PRH1: variants seen among roughly 807,000 people sequenced by gnomAD.
PRH1 encodes the protein salivary acidic proline-rich phosphoprotein 1/2.
In PRH1, 7 loss-of-function variants were observed where a neutral mutation model predicts 7.9. That is an observed-to-expected ratio of 0.89 (90% CI 0.50 to 1.67). The LOEUF (loss-of-function observed/expected upper bound fraction) is 1.67. Ranked by LOEUF, PRH1 falls within the 40% of genes most tolerant of loss-of-function variation. The pLI is 0.00. For missense variants in PRH1, 109 were observed against 223.6 expected, an observed-to-expected ratio of 0.49 and a Z score of 3.27; for synonymous variants, 45 against 80.8, an observed-to-expected ratio of 0.56 and a Z score of 2.38.
chr12:11,097,176 T>C, intron 1 of PRH1: 1 of 208,276 alleles, frequency 4.8e-6, no homozygotes, highest in Non-Finnish European at 1.1e-5. Context: ...AAACATTACT[T>C]ACGAGTTTAT....
At chr12:11,170,206 G>A (rs1338027433) in intron 1 of PRH1, among the ~76,000 whole-genome samples, 1 of 152,206 alleles carries the variant, frequency 6.6e-6, no homozygotes, top group African/African-American at 2.4e-5. Context: ...CAAAAGTATT[G>A]TGGCTATTAG....
intron 1 of PRH1, among the ~76,000 whole-genome samples, chr12:11,001,021 C>T (rs1334821576): frequency 2.0e-5 from 3 of 151,780 alleles, no homozygotes; most frequent in Admixed American, 6.6e-5. Context: ...TTTTGTTTTT[C>T]GTATGCTTGA....
At chr12:11,012,857 A>T (rs1353404898) in intron 1 of PRH1, among the ~76,000 whole-genome samples, 1 of 152,054 alleles carries the variant, frequency 6.6e-6, no homozygotes, top group Non-Finnish European at 1.5e-5. Context: ...CCTAGCTGAG[A>T]ACTTCCATTT....
At chr12:10,887,374 T>C (rs1284069384), upstream of PRH1, among the ~76,000 whole-genome samples, 2 of 152,162 alleles carry the variant, frequency 1.3e-5, no homozygotes, top group African/African-American at 4.8e-5. Flanking sequence ...ATAAACACAA[T>C]AGTCTCTGAG....
intron 1 of PRH1, among the ~76,000 whole-genome samples, chr12:11,147,328 C>A (rs184005500): frequency 6.6e-6 from 1 of 152,148 alleles, no homozygotes; most frequent in East Asian, 1.9e-4. Flanking sequence ...GCTGTGACTA[C>A]AGGTGTGTGC....
chr12:10,997,102 T>C, intron 1 of PRH1: 1 of 1,614,078 alleles, frequency 6.2e-7, no homozygotes, highest in South Asian at 1.1e-5. Context: ...TTAAGACAAT[T>C]TCTTTTGGTC....
chr12:10,932,134 T>G (rs1950222572), intron 2 of PRH1: 2 of 360,438 alleles, frequency 5.5e-6, no homozygotes, highest in South Asian at 2.0e-5. Context: ...AAAAGGATGG[T>G]TTTGCATCTT....
At chr12:10,963,884 T>C (rs1257533900) in intron 2 of PRH1, among the ~76,000 whole-genome samples, 2 of 152,240 alleles carry the variant, frequency 1.3e-5, no homozygotes, top group African/African-American at 4.8e-5. Flanking sequence ...AAAATTAGAA[T>C]TCATTATGCA....
chr12:11,113,440 C>T (rs1431042370), intron 1 of PRH1, among the ~76,000 whole-genome samples: 2 of 152,018 alleles, frequency 1.3e-5, no homozygotes, highest in African/African-American at 2.4e-5. Flanking sequence ...TTTGACAAAC[C>T]TGACAAAAAA....
upstream of PRH1, among the ~76,000 whole-genome samples, chr12:11,049,594 AT>A (rs574562944): frequency 5.1e-4 from 77 of 152,256 alleles, no homozygotes; most frequent in African/African-American, 1.8e-3. Flanking sequence ...AAATAAAGGC[AT>A]TTTTTTAATT....
chr12:11,104,331 C>T (rs1366974425), intron 1 of PRH1, among the ~76,000 whole-genome samples: 1 of 151,810 alleles, frequency 6.6e-6, no homozygotes, highest in Non-Finnish European at 1.5e-5. Context: ...TCATATGTTT[C>T]ACTGTAGGGT....
intron 1 of PRH1, among the ~76,000 whole-genome samples, chr12:11,023,304 T>A (rs1331578150): frequency 4.0e-5 from 6 of 150,938 alleles, no homozygotes; most frequent in Non-Finnish European, 4.4e-5. Context: ...AAATGGAAAA[T>A]GAGTTTCCAG....
chr12:11,147,173 T>C (rs534499525), intron 1 of PRH1, among the ~76,000 whole-genome samples: 4 of 152,226 alleles, frequency 2.6e-5, no homozygotes, highest in Non-Finnish European at 4.4e-5. Context: ...TCAGTTTATC[T>C]ATGAACATGA....
chr12:10,932,801 T>A (rs569197858), intron 2 of PRH1, among the ~76,000 whole-genome samples: 1 of 152,262 alleles, frequency 6.6e-6, no homozygotes, highest in African/African-American at 2.4e-5. Context: ...GGCGGCAGCA[T>A]AATTTGAAGG....
intron 1 of PRH1, chr12:11,031,532 C>T (rs1464238057): frequency 1.3e-5 from 8 of 614,314 alleles, no homozygotes; most frequent in African/African-American, 1.9e-5. Context: ...AAGGACAAAG[C>T]TTCCACCGGG....
intron 1 of PRH1, chr12:10,973,806 A>T: frequency 1.4e-6 from 1 of 707,774 alleles, no homozygotes; most frequent in African/African-American, 1.8e-5. Context: ...CTAAACTAAA[A>T]TCCAGCACAA....
chr12:10,933,434 A>G (rs1950241943), intron 2 of PRH1, among the ~76,000 whole-genome samples: 1 of 152,080 alleles, frequency 6.6e-6, no homozygotes, highest in Non-Finnish European at 1.5e-5. Context: ...AGTTCTTGAA[A>G]AAAAATTTTT....
At chr12:10,939,549 G>GT (rs1398658346) in intron 2 of PRH1, among the ~76,000 whole-genome samples, 1 of 127,788 alleles carries the variant, frequency 7.8e-6, no homozygotes, top group African/African-American at 2.9e-5. Flanking sequence ...ATTGGTTTGT[G>GT]TGTTTTTTTT....
chr12:10,932,440 C>T (rs998950559), intron 2 of PRH1: 10 of 217,558 alleles, frequency 4.6e-5, no homozygotes, highest in Non-Finnish European at 7.1e-5. Context: ...TTCTTTCCTC[C>T]TTATCCTTAT....
Sources: allele counts gnomAD v4.1 joint callset (sites outside exome capture counted in the v4.1 genomes callset), GRCh38; gene constraint gnomAD v4.1.1; transcripts MANE v1.5; gene names NCBI Gene and HGNC (gene_info 2026-07-23, HGNC 2026-07-21).